The following PYY variants were observed in gnomAD, a reference collection of about 807,000 sequenced individuals.
The protein encoded by PYY is peptide YY.
PYY carries 12 observed loss-of-function variants against 10.3 expected under a neutral mutation model. The ratio of observed to expected loss-of-function variants is 1.17; its 90% CI spans 0.75 to 1.89. The LOEUF (loss-of-function observed/expected upper bound fraction) is 1.89. Ranked by LOEUF, PYY falls within the 40% of genes most tolerant of loss-of-function variation. The probability of loss-of-function intolerance (pLI) is 0.00; values close to 1 mark genes in which losing one functional copy is unlikely to be tolerated. For missense variants in PYY, 141 were observed against 134.0 expected (o/e 1.05, Z -0.26); for synonymous variants, 66 against 62.0 (o/e 1.06, Z -0.30).
chr17:43,995,473 G>T (rs762671532), intron 1 of PYY, among the ~76,000 whole-genome samples: 3 of 151,808 alleles, frequency 2.0e-5, no homozygotes, highest in Non-Finnish European at 2.9e-5. Flanking sequence ...TGGGACCACA[G>T]ATGGTTATAA....
rs1483896258 is a variant in PYY, at chr17:43,953,441, G to A, written c.43C>T (p.Leu15Phe). 2 of 1,611,948 alleles carry A rather than the reference G, an allele frequency of 1.2e-6. No individual in the cohort carries two copies. Among genetic ancestry groups the A allele is most frequent in the South Asian group, 1.1e-5 (1 of 90,908 alleles). ...CCTAGGCAGACGAGCAGGGCCAGAAGCACTGTGGTCAAGGCGGGCCACGGC... is the reference window on the plus strand; with the variant it reads ...CCTAGGCAGACGAGCAGGGCCAGAAACACTGTGGTCAAGGCGGGCCACGGC... ...RRPWPALTTV[L>F]LALLVCLGAL... The change falls in exon 2 of 4, where the codon CTT becomes TTT. Residue 15 changes from leucine (L) to phenylalanine (F), a missense_variant. Physicochemically the swap from Leu to Phe is conservative, Grantham distance 22. Transcript: ENST00000692052.
intron 1 of PYY, among the ~76,000 whole-genome samples, chr17:43,992,053 G>A (rs1252856404): frequency 4.7e-5 from 7 of 150,338 alleles, no homozygotes; most frequent in African/African-American, 7.4e-5. Flanking sequence ...CCTGGGAGGC[G>A]GAGCTTGCAG....
At chr17:43,979,031 G>A (rs533131431) in intron 1 of PYY, among the ~76,000 whole-genome samples, 11 of 152,296 alleles carry the variant, frequency 7.2e-5, no homozygotes, top group East Asian at 3.9e-4. Context: ...TGGGCCATGC[G>A]ATGAGTGTCG....
At chr17:43,995,829 GAA>G (rs573860516) in intron 1 of PYY, among the ~76,000 whole-genome samples, 2 of 97,800 alleles carry the variant, frequency 2.0e-5, no homozygotes, top group Non-Finnish European at 4.0e-5. Flanking sequence ...CCATCTCAAT[GAA>G]AAAAAAAAAA....
intron 1 of PYY, among the ~76,000 whole-genome samples, chr17:44,003,798 C>T (rs530028717): frequency 6.6e-6 from 1 of 151,010 alleles, no homozygotes; most frequent in African/African-American, 2.4e-5. Flanking sequence ...GTCTGGGCAA[C>T]ATGGTGAACA....
upstream of PYY, among the ~76,000 whole-genome samples, chr17:43,957,323 A>T (rs2048680834): frequency 6.6e-6 from 1 of 152,064 alleles, no homozygotes; most frequent in Non-Finnish European, 1.5e-5. Flanking sequence ...CCTTGCCCTT[A>T]TAGAGCTCAC....
At chr17:43,971,542 C>G (rs1240006711) in intron 1 of PYY, among the ~76,000 whole-genome samples, 2 of 150,528 alleles carry the variant, frequency 1.3e-5, no homozygotes, top group East Asian at 3.9e-4. Context: ...CACACTCCAG[C>G]CTGGGTGACA....
At chr17:43,982,129 C>T (rs529863108) in intron 1 of PYY, among the ~76,000 whole-genome samples, 3 of 152,300 alleles carry the variant, frequency 2.0e-5, no homozygotes, top group Non-Finnish European at 2.9e-5. Flanking sequence ...CTCCAGAGCC[C>T]TGCCTACCTG....
intron 1 of PYY, among the ~76,000 whole-genome samples, chr17:43,989,132 C>A (rs535838343): frequency 7.4e-4 from 112 of 151,864 alleles, no homozygotes; most frequent in Non-Finnish European, 9.3e-4. Context: ...CCCAAGACTT[C>A]GGGAGGCCAA....
intron 1 of PYY, among the ~76,000 whole-genome samples, chr17:43,983,762 G>C (rs929252524): frequency 6.6e-6 from 1 of 152,142 alleles, no homozygotes; most frequent in East Asian, 1.9e-4. Flanking sequence ...TGACATATCC[G>C]GGGCTGTCAC....
At position 43,952,915 on chromosome 17, in the gene PYY, TG is replaced by T; in HGVS notation, c.*40del. Reference sequence around the variant, plus strand: ...GTCGGGAGTGCGTATGCAAATGACGTGGGCGTGGTTGGCAGATCTCCCAGGA... The same window carrying T: ...GTCGGGAGTGCGTATGCAAATGACGTGGCGTGGTTGGCAGATCTCCCAGGA... On this transcript the variant is annotated 3_prime_UTR_variant, in exon 4 of 4. Transcript: ENST00000692052. 1 of 1,526,592 alleles carries T rather than the reference TG, an allele frequency of 6.6e-7. No individual in the cohort carries two copies. The highest frequency in any genetic ancestry group is 8.8e-7 in the Non-Finnish European group (1 of 1,140,316). The allele number at this position is 1,526,592 out of a possible 1,614,324, so 94.6% of individuals were successfully genotyped here.
intron 1 of PYY, among the ~76,000 whole-genome samples, chr17:43,970,404 G>A (rs183820862): frequency 6.6e-6 from 1 of 152,066 alleles, no homozygotes; most frequent in East Asian, 1.9e-4. Context: ...CTACTCAAGA[G>A]GCTGAGGCAT....
At chr17:43,963,568 G>GAAAGAAAGAAAGAAAGAAAA (rs1567927817) in intron 2 of PYY, among the ~76,000 whole-genome samples, 1 of 82,610 alleles carries the variant, frequency 1.2e-5, no homozygotes, top group African/African-American at 5.2e-5. Context: ...AAGGAAGGAA[G>GAAAGAAAGAAAGAAAGAAAA]GAAAAGAAAG....
At chr17:43,983,229 TAAAAC>T (rs1458338926) in intron 1 of PYY, among the ~76,000 whole-genome samples, 1 of 151,950 alleles carries the variant, frequency 6.6e-6, no homozygotes, top group South Asian at 2.1e-4. Context: ...GATGCTGTCT[TAAAAC>T]AAACAAACAA....
At position 43,989,272 on chromosome 17, in the gene PYY, G is replaced by A. The variant is rs559542701; in HGVS notation, c.-463+15119C>T. On this transcript the variant is annotated intron_variant, in intron 1 of 6. Transcript: ENST00000360085. ...GCCTGTAGTCCCAGCTACTCGGGAGGCTGAGGCAGGAGAATGGTGTGAACC... is the reference window on the plus strand; with the variant it reads ...GCCTGTAGTCCCAGCTACTCGGGAGACTGAGGCAGGAGAATGGTGTGAACC... Among the ~76,000 whole-genome samples the A allele has an allele frequency of 2.8e-4, 42 of 152,150 alleles. No individual in the cohort carries two copies. In the East Asian group the frequency reaches 6.9e-3, roughly 25 times the overall value.
At chr17:44,002,855 C>T (rs1467048565) in intron 1 of PYY, among the ~76,000 whole-genome samples, 1 of 152,184 alleles carries the variant, frequency 6.6e-6, no homozygotes, top group East Asian at 1.9e-4. Context: ...TAGCATTCGA[C>T]ATGTGTTAGC....
chr17:43,976,286 T>TATAC (rs2048842830), intron 1 of PYY, among the ~76,000 whole-genome samples: 1 of 49,234 alleles, frequency 2.0e-5, no homozygotes, highest in African/African-American at 9.6e-5. Context: ...TATATACGCA[T>TATAC]ATGTATACAT....
chr17:43,966,617 T>G (rs2048757165), intron 1 of PYY: 1 of 152,228 alleles, frequency 6.6e-6, no homozygotes, highest in South Asian at 2.1e-4. Flanking sequence ...TGTTAATAAC[T>G]ATATCCTGCC....
Position 43,953,161 on chromosome 17 carries a change from G to C in PYY, c.217C>G (p.Leu73Val), listed in dbSNP as rs1026456050. Residue 73 changes from leucine to valine, a missense_variant, in exon 3 of 4, where the codon CTT becomes GTT. Leu to Val is a conservative substitution (Grantham distance 32). Transcript: ENST00000692052. ...RYGKRDGPDT[L>V]LSKTFFPDGE... is the part of the protein sequence containing the mutation. ...TCGGGGAAGAACGTTTTGGAAAGAA[G>C]CGTGTCCGGGCCGTCTCTTTTCCCA... 3.7e-6 allele frequency: 6 copies of C among 1,613,968 alleles called. No individual in the cohort carries two copies. The Middle Eastern group carries it at 5.0e-4, about 133-fold the overall frequency.
Sources: gnomAD v4.1 joint callset for allele counts (sites outside exome capture counted in the v4.1 genomes callset) on GRCh38, gnomAD v4.1.1 for gene constraint, MANE v1.5 for transcripts, NCBI Gene and HGNC (gene_info 2026-07-23, HGNC 2026-07-21) for gene names.